The following RAPH1 variants were observed in gnomAD, a reference collection of about 807,000 sequenced individuals.
RAPH1 encodes ras-associated and pleckstrin homology domains-containing protein 1.
A neutral mutation model predicts 88.1 loss-of-function variants in RAPH1; 18 were observed. The ratio of observed to expected loss-of-function variants is 0.20; its 90% CI spans 0.14 to 0.30. RAPH1 has a LOEUF of 0.30. Ranked by LOEUF, RAPH1 falls within the 10% of genes least tolerant of loss-of-function variation. The probability of loss-of-function intolerance (pLI) is 1.00; values close to 1 mark genes in which losing one functional copy is unlikely to be tolerated. For synonymous variants in RAPH1, 587 were observed against 559.0 expected (o/e 1.05, Z -0.71); for missense variants, 1,448 against 1,543.2 (o/e 0.94, Z 1.03).
chr2:203,460,998 C>A (rs552736147), intron 6 of RAPH1, among the ~76,000 whole-genome samples: 17 of 152,092 alleles, frequency 1.1e-4, no homozygotes, highest in African/African-American at 3.9e-4. Context: ...CGCCTGTAGT[C>A]CCAGCTACTC....
intron 1 of RAPH1, among the ~76,000 whole-genome samples, chr2:203,512,814 A>T (rs1023046519): frequency 2.0e-5 from 3 of 151,776 alleles, no homozygotes; most frequent in African/African-American, 7.3e-5. Flanking sequence ...TTTAGTAGAG[A>T]CAGGGTTCAC....
chr2:203,488,264 C>T (rs765340980), intron 4 of RAPH1, among the ~76,000 whole-genome samples: 5 of 152,202 alleles, frequency 3.3e-5, no homozygotes, highest in African/African-American at 7.2e-5. Flanking sequence ...GAATAACTTA[C>T]GGTTCTCTGA....
In RAPH1 at chr2:203,489,668, G is replaced by A. The variant is rs767062301; in HGVS notation, c.648C>T (p.Ala216=). ...NSSHSSITSA[A]SSMDSLDIDK... ...CAATATCCAAAGAGTCCATGCTGGAGGCTGCGGAAGTGATGCTGGAATGGG... is the reference window on the plus strand; with the variant it reads ...CAATATCCAAAGAGTCCATGCTGGAAGCTGCGGAAGTGATGCTGGAATGGG... Residue 216 remains alanine, a synonymous_variant, in exon 4 of 14, where the codon GCC becomes GCT. Transcript: ENST00000319170. 1.4e-5 allele frequency: 23 copies of A among 1,614,038 alleles called. No individual in the cohort carries two copies. The highest frequency in any genetic ancestry group is 1.9e-5 in the Non-Finnish European group (22 of 1,180,034).
chr2:203,481,394 TG>T (rs796994166), intron 4 of RAPH1, among the ~76,000 whole-genome samples: 24 of 152,228 alleles, frequency 1.6e-4, no homozygotes, highest in African/African-American at 5.8e-4. Context: ...GCACAATGTG[TG>T]TTAAGACATA....
chr2:203,475,420 T>C (rs1012600017), intron 4 of RAPH1, among the ~76,000 whole-genome samples: 5 of 151,722 alleles, frequency 3.3e-5, no homozygotes, highest in Non-Finnish European at 5.9e-5. Context: ...AAAAAAGAAA[T>C]AAAATATATA....
chr2:203,474,188 G>A (rs1219407412), intron 4 of RAPH1, among the ~76,000 whole-genome samples: 2 of 152,194 alleles, frequency 1.3e-5, no homozygotes, highest in African/African-American at 2.4e-5. Context: ...GGATATTTGA[G>A]ACCAGTGGTT....
intron 4 of RAPH1, chr2:203,470,247 G>C (rs1259616512): frequency 6.2e-7 from 1 of 1,610,716 alleles, no homozygotes; most frequent in Non-Finnish European, 8.5e-7. Flanking sequence ...ACCTTGGTCA[G>C]CAAATGAGAA....
rs182739318 is a variant in RAPH1 at position 203,503,081 on chromosome 2, T to C, written c.1-7728A>G. Among the ~76,000 whole-genome samples, 118 of 152,056 alleles carry C rather than the reference T, an allele frequency of 7.8e-4. 1 individual carries two copies. Among genetic ancestry groups the C allele is most frequent in the Middle Eastern group, 3.4e-3 (1 of 294 alleles). On this transcript the variant is annotated intron_variant, in intron 1 of 13. Transcript: ENST00000319170. The stretch of plus-strand genomic sequence containing the variant: ...ATCACTTGAATCCAGGAGGTAGAGG[T>C]TGCAGTGAGCCAAGATCCCGCCATT...
At position 203,489,972 on chromosome 2, in the gene RAPH1, G is replaced by C; in HGVS notation, c.344C>G (p.Thr115Arg). ...SGNSKRQITETKATQKLPVSR... is the reference protein window; with the variant it reads ...SGNSKRQITERKATQKLPVSR... ...AACAGGCAATTTCTGAGTAGCTTTC[G>C]TTTCTGTGATTTGACGCTTACTGTT... The change falls in exon 4 of 14, where the codon ACG (threonine) becomes AGG (arginine). Residue 115 changes from threonine to arginine, a missense_variant. Thr to Arg is a moderately conservative substitution (Grantham distance 71, BLOSUM62 -1). Transcript: ENST00000319170. 1 of 1,614,164 alleles carries C rather than the reference G, an allele frequency of 6.2e-7. No individual in the cohort carries two copies. The highest frequency in any genetic ancestry group is 8.5e-7 in the Non-Finnish European group (1 of 1,180,028).
intron 4 of RAPH1, among the ~76,000 whole-genome samples, chr2:203,481,328 C>T (rs1322959473): frequency 6.6e-6 from 1 of 152,010 alleles, no homozygotes; most frequent in South Asian, 2.1e-4. Context: ...TCTCTACCTC[C>T]GTTCCTTCCA....
Position 203,448,932 on chromosome 2 carries a change from C to T in RAPH1, c.1414-96G>A. ...TAAACATATCCTGACAAGTTATAGG[C>T]CATTAGAGTAATGGCCAATACATTT... On this transcript the variant is annotated intron_variant, in intron 10 of 13. Coordinates refer to ENST00000319170, the MANE Select transcript of RAPH1 (RefSeq NM_213589.3). The surrounding 1 kb of genome is among the most constrained non-coding windows in gnomAD (Gnocchi z 4.1). 5 of 693,932 alleles carry T rather than the reference C, an allele frequency of 7.2e-6. 1 individual carries two copies. The South Asian group carries it at 1.2e-4, about 17-fold the overall frequency. The allele number at this position is 693,932 out of a possible 1,614,324, so 43.0% of individuals were successfully genotyped here.
intron 4 of RAPH1, among the ~76,000 whole-genome samples, chr2:203,466,636 T>C (rs2098528672): frequency 6.6e-6 from 1 of 152,218 alleles, no homozygotes; most frequent in Non-Finnish European, 1.5e-5. Context: ...ATCCTTGGAC[T>C]GTCCCTTTCT....
intron 1 of RAPH1, among the ~76,000 whole-genome samples, chr2:203,511,446 G>T (rs773991878): frequency 3.9e-5 from 6 of 152,112 alleles, no homozygotes; most frequent in African/African-American, 1.4e-4. Context: ...TTTCTATAAG[G>T]TTATTTCAAG....
Position 203,440,098 on chromosome 2 carries a change from T to C in RAPH1, c.3092A>G (p.Asn1031Ser), listed in dbSNP as rs768416320. The C allele has an allele frequency of 2.0e-5, 32 of 1,613,402 alleles. 1 individual carries two copies. The highest frequency in any genetic ancestry group is 6.7e-5 in the African/African-American group (5 of 74,866). The change falls in exon 14 of 14, where the codon AAT becomes AGT. Residue 1031 changes from asparagine to serine, a missense_variant. Physicochemically the swap from Asn to Ser is conservative, Grantham distance 46. This residue lies in a region of RAPH1 where 935 missense variants were observed against 890.1 expected (regional missense o/e 1.05). Coordinates refer to ENST00000319170, the MANE Select transcript of RAPH1 (RefSeq NM_213589.3). Reference protein sequence around the residue: ...PAAPPKPGKLNLSGVNLPGVL... With the variant: ...PAAPPKPGKLSLSGVNLPGVL... ...TCCAGGAAGGTTGACTCCAGAAAGA[T>C]TGAGTTTTCCAGGCTTGGGGGGTGC...
intron 4 of RAPH1, among the ~76,000 whole-genome samples, chr2:203,462,602 T>C (rs1343647746): frequency 6.6e-6 from 1 of 152,238 alleles, no homozygotes; most frequent in East Asian, 1.9e-4. Context: ...ACTGACAATA[T>C]TTTTAAATGC....
chr2:203,441,074 TG>T lies in RAPH1; in HGVS notation c.2115del (p.Asn706MetfsTer23). The T allele has an allele frequency of 2.0e-6, 2 of 999,370 alleles. No homozygotes were observed. The highest frequency in any genetic ancestry group is 2.7e-6 in the Non-Finnish European group (2 of 750,666). The allele number at this position is 999,370 out of a possible 1,614,324, so 61.9% of individuals were successfully genotyped here. Reference protein sequence around the residue: ...QSVKPQILVPPNGVVPPPPPP... With the variant: ...QSVKPQILVPXNGVVPPPPPP... ...GGAGGGGGTGGTGGAACAACTCCAT[TG>T]GGGGGTACCAGGATCTGAGGCTTCA... On this transcript the variant is annotated frameshift_variant, in exon 14 of 14. Coordinates refer to ENST00000319170, the MANE Select transcript of RAPH1 (RefSeq NM_213589.3). LOFTEE classifies it low-confidence loss of function (END_TRUNC).
At chr2:203,477,244 A>G in intron 4 of RAPH1, 1 of 972,362 alleles carries the variant, frequency 1.0e-6, no homozygotes, top group Non-Finnish European at 1.6e-6. Flanking sequence ...AAAAAGATCA[A>G]TGAAGTGAAA....
intron 1 of RAPH1, among the ~76,000 whole-genome samples, chr2:203,505,441 AC>A (rs5837857): frequency 8.3e-4 from 125 of 150,722 alleles, no homozygotes; most frequent in African/African-American, 2.1e-3. Context: ...TGATTAAATT[AC>A]CCCCCCCGGG....
intron 7 of RAPH1, among the ~76,000 whole-genome samples, chr2:203,458,257 T>C (rs532280697): frequency 6.1e-4 from 93 of 152,150 alleles, no homozygotes; most frequent in Non-Finnish European, 1.0e-3. Context: ...TAGTCCCAGC[T>C]ATGCAGGAGG....
Sources: allele counts gnomAD v4.1 joint callset (sites outside exome capture counted in the v4.1 genomes callset), GRCh38; gene constraint gnomAD v4.1.1; regional missense constraint gnomAD v4.1.1; non-coding constraint Gnocchi (gnomAD v3.1); transcripts MANE v1.5; gene names NCBI Gene and HGNC (gene_info 2026-07-23, HGNC 2026-07-21).